GTF2H3: variants seen among roughly 807,000 people sequenced by gnomAD.
GTF2H3 encodes TFIIH basal transcription factor complex p34 subunit.
A neutral mutation model predicts 51.1 loss-of-function variants in GTF2H3; 42 were observed. That is an observed-to-expected ratio of 0.82 (90% CI 0.64 to 1.06). The LOEUF (loss-of-function observed/expected upper bound fraction) is 1.06, where lower values mean the gene tolerates loss of function less well. Among genes scored for constraint, GTF2H3 ranks in the 50% least tolerant of loss-of-function variants. The pLI is 0.00. For missense variants in GTF2H3, 326 were observed against 366.1 expected (o/e 0.89, Z 0.89); for synonymous variants, 123 against 123.8 (o/e 0.99, Z 0.04).
At position 123,661,352 on chromosome 12, in the gene GTF2H3, T is replaced by C. The variant is rs1345907964; in HGVS notation, c.*1117T>C. 1 of 151,732 alleles carries C rather than the reference T, an allele frequency of 6.6e-6. No individual in the cohort carries two copies. The highest frequency in any genetic ancestry group is 2.4e-5 in the African/African-American group (1 of 41,332). 9.4% of individuals were successfully genotyped at this position (151,732 alleles called of 1,614,324 possible). The stretch of plus-strand genomic sequence containing the variant: ...GTTTGGTTTGTTTTTTAAAAATGTT[T>C]ACTGACGAGGCCGGGCGTGGTGGCT... On this transcript the variant is annotated 3_prime_UTR_variant, in exon 13 of 13. Coordinates refer to ENST00000543341, the MANE Select transcript of GTF2H3 (RefSeq NM_001516.5).
chr12:123,646,158 A>G (rs1448724024), intron 3 of GTF2H3, among the ~76,000 whole-genome samples: 1 of 152,192 alleles, frequency 6.6e-6, no homozygotes, highest in Non-Finnish European at 1.5e-5. Flanking sequence ...CCGCAGATAC[A>G]GCAAAGTTTT....
chr12:123,633,945 G>A lies in GTF2H3; in HGVS notation c.13+73G>A, dbSNP rs1180869736. ...CGGTCCGGCTACGACTGGCCAGATG[G>A]AATGTGTCTTTTGGGCTGGATAGAA... On this transcript the variant is annotated intron_variant, in intron 1 of 12. Transcript: ENST00000543341. 5 of 1,504,654 alleles carry A rather than the reference G, an allele frequency of 3.3e-6. No homozygotes were observed. In the African/African-American group the frequency reaches 4.1e-5, roughly 12 times the overall value. 93.2% of individuals were successfully genotyped at this position (1,504,654 alleles called of 1,614,324 possible).
In GTF2H3 at chr12:123,639,438, A is replaced by G. The variant is rs1252585475; in HGVS notation, c.93+95A>G. ...ATGGCTTTATTAAAGTATAATTTACATACTGTAATATTCAGCCACTGTACA... is the reference window on the plus strand; with the variant it reads ...ATGGCTTTATTAAAGTATAATTTACGTACTGTAATATTCAGCCACTGTACA... On this transcript the variant is annotated intron_variant, in intron 2 of 12. Coordinates refer to ENST00000543341, the MANE Select transcript of GTF2H3 (RefSeq NM_001516.5). The G allele has an allele frequency of 1.2e-5, 8 of 663,024 alleles. No individual in the cohort carries two copies. The African/African-American group carries it at 1.3e-4, about 11-fold the overall frequency. 41.1% of individuals were successfully genotyped at this position (663,024 alleles called of 1,614,324 possible). A position where few individuals can be genotyped will look rare whatever the true frequency, so the allele number is the denominator to read the frequency against.
chr12:123,652,511 C>T (rs1955531475), intron 5 of GTF2H3, 21 bp from the exon 6 acceptor site: 8 of 1,286,042 alleles, frequency 6.2e-6, no homozygotes, highest in African/African-American at 1.5e-5. Flanking sequence ...TTTTTGTATT[C>T]CTTAATGTTA....
At chr12:123,650,108 GCTC>G (rs1955501648) in intron 4 of GTF2H3, 1 of 152,238 alleles carries the variant, frequency 6.6e-6, no homozygotes, top group Non-Finnish European at 1.5e-5. Context: ...ACAGTATAGT[GCTC>G]AAGACCTTTT....
Position 123,659,542 on chromosome 12 carries a change from C to T in GTF2H3, c.642C>T (p.Tyr214=), listed in dbSNP as rs1172557636. ...CTTGTGACATCACGGGAGGACTGTA[C>T]CTGAAGGTGCCTCAGATGCCTTCTC... ...QQACDITGGL[Y]LKVPQMPSLL... is the part of the protein sequence containing the mutation. The change falls in exon 10 of 13, where the codon TAC becomes TAT. Residue 214 remains tyrosine (Y), a synonymous_variant. Transcript: ENST00000543341. 5.0e-6 allele frequency: 8 copies of T among 1,614,108 alleles called. No individual in the cohort carries two copies. Among genetic ancestry groups the T allele is most frequent in the Non-Finnish European group, 6.8e-6 (8 of 1,180,018 alleles).
At chr12:123,659,357 A>C (rs981803456) in intron 9 of GTF2H3, 159 bp from the exon 10 acceptor site, 5 of 651,636 alleles carry the variant, frequency 7.7e-6, no homozygotes, top group Admixed American at 4.3e-5. Context: ...ACAGAGCAAG[A>C]CTCTGTCAAA....
In GTF2H3 at chr12:123,639,339, C is replaced by A; in HGVS notation, c.89C>A (p.Ser30Tyr). 1 of 1,546,120 alleles carries A rather than the reference C, an allele frequency of 6.5e-7. No homozygotes were observed. Among genetic ancestry groups the A allele is most frequent in the Non-Finnish European group, 8.9e-7 (1 of 1,118,192 alleles). The change falls in exon 2 of 13, where the codon TCT (serine) becomes TAT (tyrosine). Residue 30 changes from serine to tyrosine, a missense_variant. By Grantham distance (144) the Ser-to-Tyr change is moderately radical (BLOSUM62 -2). Coordinates refer to ENST00000543341, the MANE Select transcript of GTF2H3 (RefSeq NM_001516.5). ...TGGGGAAAGCAAGCATTAAAGGAAT[C>A]TCAGGTAAGACTGCTTGAGGAGGCC... The part of the protein sequence containing the change: ...IWWGKQALKE[S>Y]QFTLSKCIDA...
rs1955541541 is a variant in GTF2H3, at chr12:123,653,243, G to A, written c.486+508G>A. Among the ~76,000 whole-genome samples, 2 of 152,138 alleles carry A rather than the reference G, an allele frequency of 1.3e-5. 1 individual carries two copies. The highest frequency in any genetic ancestry group is 1.3e-4 in the Admixed American group (2 of 15,262). ...AATTCTGAGAGCGATAGAAGAATAA[G>A]TGGAGAGCCATATTTTGTTCTTGGA... is the stretch of plus-strand genomic sequence containing the variant. On this transcript the variant is annotated intron_variant, in intron 7 of 12. Transcript: ENST00000543341.
chr12:123,653,466 C>T (rs1451681774), intron 7 of GTF2H3, among the ~76,000 whole-genome samples: 1 of 151,916 alleles, frequency 6.6e-6, no homozygotes, highest in Non-Finnish European at 1.5e-5. Context: ...TCGAAACCAA[C>T]CTGGCTAACA....
At chr12:123,642,000 C>T (rs545386984) in intron 2 of GTF2H3, among the ~76,000 whole-genome samples, 100 of 141,128 alleles carry the variant, frequency 7.1e-4, no homozygotes, top group African/African-American at 2.5e-3. Context: ...ATCACAGGCG[C>T]GTGCCACCAT....
intron 10 of GTF2H3, 97 bp downstream of exon 10, chr12:123,659,681 C>G: frequency 6.8e-7 from 1 of 1,462,500 alleles, no homozygotes; most frequent in Non-Finnish European, 9.6e-7. Flanking sequence ...TGCTAGTACT[C>G]AGGAGAAGGG....
intron 1 of GTF2H3, among the ~76,000 whole-genome samples, chr12:123,636,530 C>G (rs1955286062): frequency 6.6e-6 from 1 of 152,242 alleles, no homozygotes. Context: ...AATCCCAACA[C>G]TTTAGGAGGC....
chr12:123,646,400 T>C (rs772918874), intron 3 of GTF2H3, among the ~76,000 whole-genome samples: 3 of 152,090 alleles, frequency 2.0e-5, no homozygotes, highest in Non-Finnish European at 4.4e-5. Flanking sequence ...TAGCTGGGAC[T>C]ACAGGTGTGC....
At chr12:123,645,364 C>T (rs1955431683) in intron 2 of GTF2H3, 91 bp from the exon 3 acceptor site, 1 of 720,546 alleles carries the variant, frequency 1.4e-6, no homozygotes, top group African/African-American at 1.7e-5. Flanking sequence ...GCCACTGCAC[C>T]CAGCCTAAAC....
intron 3 of GTF2H3, among the ~76,000 whole-genome samples, chr12:123,647,715 A>G (rs967316039): frequency 1.3e-4 from 20 of 152,368 alleles, no homozygotes; most frequent in African/African-American, 4.8e-4. Flanking sequence ...TGGAATCAGT[A>G]AAACATTCTG....
chr12:123,658,426 G>C (rs569124412), intron 9 of GTF2H3, among the ~76,000 whole-genome samples: 1 of 152,178 alleles, frequency 6.6e-6, no homozygotes, highest in Non-Finnish European at 1.5e-5. Context: ...TACTCTATTG[G>C]TTAGGCTGGT....
rs536358726 is a variant in GTF2H3 at position 123,657,360 on chromosome 12, G to A, written c.615+1536G>A. ...GAGGCTCCTGGGAACCTTTTGCCCC[G>A]CATCTTCCACACTCTCCCTCTTCAG... On this transcript the variant is annotated intron_variant, in intron 9 of 12. Coordinates refer to ENST00000543341, the MANE Select transcript of GTF2H3 (RefSeq NM_001516.5). 9.6e-4 allele frequency among the ~76,000 whole-genome samples: 146 copies of A among 152,248 alleles called. 1 individual carries two copies. In the Middle Eastern group the frequency reaches 0.014, roughly 14 times the overall value.
chr12:123,635,917 A>G (rs982279446), intron 1 of GTF2H3, among the ~76,000 whole-genome samples: 17 of 152,240 alleles, frequency 1.1e-4, no homozygotes, highest in African/African-American at 3.9e-4. Flanking sequence ...CACAGTCTTT[A>G]TAGTCAAGCA....
Sources: allele counts gnomAD v4.1 joint callset (sites outside exome capture counted in the v4.1 genomes callset), GRCh38; gene constraint gnomAD v4.1.1; transcripts MANE v1.5; gene names NCBI Gene and HGNC (gene_info 2026-07-23, HGNC 2026-07-21).